Variants in UHRF2 observed in about 807,000 individuals in gnomAD.
UHRF2 encodes E3 ubiquitin-protein ligase UHRF2.
A neutral mutation model predicts 96.8 loss-of-function variants in UHRF2; 23 were observed. The observed-to-expected ratio is 0.24, with a 90% CI of 0.17 to 0.34. The LOEUF is 0.34. Ranked by LOEUF, UHRF2 falls within the 10% of genes least tolerant of loss-of-function variation. The pLI is 1.00. For synonymous variants in UHRF2, 385 were observed against 332.6 expected, an observed-to-expected ratio of 1.16 and a Z score of -1.72; for missense variants, 685 against 981.5, an observed-to-expected ratio of 0.70 and a Z score of 4.04.
At chr9:6,414,296 T>G (rs1178366474) in intron 1 of UHRF2, 2 of 152,256 alleles carry the variant, frequency 1.3e-5, no homozygotes, top group Non-Finnish European at 2.9e-5. Context: ...AACTGTCGGT[T>G]TAACCGGGGG....
At chr9:6,429,909 A>T (rs1381035) in intron 2 of UHRF2, among the ~76,000 whole-genome samples, 110,606 of 151,746 alleles carry the variant, frequency 0.73, 41,725 homozygotes, top group South Asian at 0.83. Context: ...AAACCATCAA[A>T]TATTTGCTGT....
intron 3 of UHRF2, among the ~76,000 whole-genome samples, chr9:6,459,038 AG>A (rs895700441): frequency 3.9e-5 from 6 of 152,066 alleles, no homozygotes; most frequent in African/African-American, 1.4e-4. Flanking sequence ...GGACGCAGGG[AG>A]GGGAACATAA....
intron 1 of UHRF2, among the ~76,000 whole-genome samples, chr9:6,417,400 CACAG>C (rs1819670752): frequency 6.6e-6 from 1 of 152,178 alleles, no homozygotes; most frequent in Non-Finnish European, 1.5e-5. Context: ...GCTTCTGACT[CACAG>C]ATGTTTGTGA....
intron 3 of UHRF2, among the ~76,000 whole-genome samples, chr9:6,435,747 A>C (rs1292025024): frequency 6.6e-6 from 1 of 152,082 alleles, no homozygotes; most frequent in Non-Finnish European, 1.5e-5. Context: ...GCTGGGGGCT[A>C]CAGGTGCTTG....
Position 6,506,246 on chromosome 9 carries a change from G to T in UHRF2, c.*67G>T. 6.3e-7 allele frequency: 1 copy of T among 1,581,506 alleles called. No individual in the cohort carries two copies. Reference sequence around the variant, plus strand: ...CAATAAAGAATCTAAAATGGGTGGGGAGGGTGGAAGAAATGGTGGACTGTA... The same window carrying T: ...CAATAAAGAATCTAAAATGGGTGGGTAGGGTGGAAGAAATGGTGGACTGTA... On this transcript the variant is annotated 3_prime_UTR_variant, in exon 16 of 16. Transcript: ENST00000276893.
At chr9:6,495,981 G>A (rs1824943656) in intron 10 of UHRF2, 1 of 151,242 alleles carries the variant, frequency 6.6e-6, no homozygotes, top group East Asian at 1.9e-4. Flanking sequence ...GAATTTTAAT[G>A]CATCTTCCTT....
At chr9:6,474,473 A>C (rs974345056) in intron 4 of UHRF2, among the ~76,000 whole-genome samples, 2 of 152,198 alleles carry the variant, frequency 1.3e-5, no homozygotes, top group Non-Finnish European at 2.9e-5. Flanking sequence ...TGGGAGGCCG[A>C]GGCGGGCAGG....
In UHRF2 at chr9:6,500,585, C is replaced by T; in HGVS notation, c.2039C>T (p.Ala680Val). 6.2e-7 allele frequency: 1 copy of T among 1,613,146 alleles called. No homozygotes were observed. The highest frequency in any genetic ancestry group is 8.5e-7 in the Non-Finnish European group (1 of 1,179,876). ...DCPSASKVYK[A>V]SDSAEAIEAF... ...CCAAGTGCCTCCAAAGTGTACAAAG[C>T]ATCAGATTCAGCAGAAGCAATTGAG... The change falls in exon 14 of 16, where the codon GCA becomes GTA. Residue 680 changes from alanine to valine, a missense_variant. Physicochemically the swap from Ala to Val is moderately conservative, Grantham distance 64. Coordinates refer to ENST00000276893, the MANE Select transcript of UHRF2 (RefSeq NM_152896.3).
At chr9:6,477,525 T>G in intron 5 of UHRF2, 97 bp from the exon 6 acceptor site, 1 of 1,218,966 alleles carries the variant, frequency 8.2e-7, no homozygotes, top group Non-Finnish European at 1.1e-6. Context: ...AAACTCCATT[T>G]CAAAAAAAAT....
rs550483511 is a variant in UHRF2, at chr9:6,486,807, T to G, written c.1393-14T>G. 1 of 1,613,260 alleles carries G rather than the reference T, an allele frequency of 6.2e-7. No individual in the cohort carries two copies. Among genetic ancestry groups the G allele is most frequent in the South Asian group, 1.1e-5 (1 of 90,988 alleles). On this transcript the variant is annotated splice_polypyrimidine_tract_variant and intron_variant, in intron 8 of 15. Coordinates refer to ENST00000276893, the MANE Select transcript of UHRF2 (RefSeq NM_152896.3). ...TTCAGAGGTATTTTGAGACTCTCTT[T>G]AATTGTTTTATAGGTGAGCGAAGCA...
intron 4 of UHRF2, among the ~76,000 whole-genome samples, chr9:6,462,293 T>TA (rs5896152): frequency 0.44 from 67,068 of 151,094 alleles, 15,227 homozygotes; most frequent in Admixed American, 0.54. Context: ...TTCTGGCTCT[T>TA]CGTGGGAAAA....
chr9:6,415,860 T>C (rs1489885665), intron 1 of UHRF2, among the ~76,000 whole-genome samples: 1 of 152,198 alleles, frequency 6.6e-6, no homozygotes, highest in Non-Finnish European at 1.5e-5. Flanking sequence ...TGAATGTTGA[T>C]AGATAGTCTC....
Position 6,477,828 on chromosome 9 carries a change from G to A in UHRF2, c.1160+20G>A. 2 of 1,547,896 alleles carry A rather than the reference G, an allele frequency of 1.3e-6. No individual in the cohort carries two copies. Among genetic ancestry groups the A allele is most frequent in the Non-Finnish European group, 1.8e-6 (2 of 1,138,544 alleles). On this transcript the variant is annotated intron_variant, in intron 6 of 15. Transcript: ENST00000276893. ...ATACTGGTATGATTATCAGGTTTTT[G>A]TTGTTGTTGTTCTTGCTGTGTAAAC...
chr9:6,477,778 C>G lies in UHRF2; in HGVS notation c.1130C>G (p.Pro377Arg). ...TATCATATTTACTGTCTGAATCCAC[C>G]TTTGGATAAAGTCCCAGAAGAGGAA... is the stretch of plus-strand genomic sequence containing the variant. ...VAYHIYCLNPPLDKVPEEEYW... is the reference protein window; with the variant it reads ...VAYHIYCLNPRLDKVPEEEYW... Residue 377 changes from proline to arginine, a missense_variant, in exon 6 of 16, where the codon CCT (proline) becomes CGT (arginine). This residue lies in a region of UHRF2 where 391 missense variants were observed against 437.0 expected (regional missense o/e 0.89). Coordinates refer to ENST00000276893, the MANE Select transcript of UHRF2 (RefSeq NM_152896.3). 1.9e-6 allele frequency: 3 copies of G among 1,610,398 alleles called. No homozygotes were observed. Among genetic ancestry groups the G allele is most frequent in the South Asian group, 1.1e-5 (1 of 90,538 alleles).
In UHRF2 at chr9:6,481,087, G is replaced by C. The variant is rs899881210; in HGVS notation, c.1161-556G>C. Among the ~76,000 whole-genome samples the C allele has an allele frequency of 2.0e-5, 3 of 152,106 alleles. No homozygotes were observed. The South Asian group carries it at 6.2e-4, about 31-fold the overall frequency. Reference sequence around the variant, plus strand: ...TTAGAAAAGATTCAAGGCAGTTTACGAAATACAAGTTACAGTAGGGTAATC... The same window carrying C: ...TTAGAAAAGATTCAAGGCAGTTTACCAAATACAAGTTACAGTAGGGTAATC... On this transcript the variant is annotated intron_variant, in intron 6 of 15. Coordinates refer to ENST00000276893, the MANE Select transcript of UHRF2 (RefSeq NM_152896.3).
chr9:6,440,135 G>T (rs895225518), intron 3 of UHRF2, among the ~76,000 whole-genome samples: 1 of 152,138 alleles, frequency 6.6e-6, no homozygotes, highest in Admixed American at 6.5e-5. Context: ...CAGCAGTCTT[G>T]CAAGTAGAGA....
intron 8 of UHRF2, among the ~76,000 whole-genome samples, chr9:6,485,518 C>T (rs1005463565): frequency 2.0e-5 from 3 of 151,838 alleles, no homozygotes; most frequent in African/African-American, 7.3e-5. Flanking sequence ...ATGGTACCTT[C>T]TGCTGAGGTG....
intron 8 of UHRF2, among the ~76,000 whole-genome samples, chr9:6,483,820 G>A (rs1444286647): frequency 6.6e-6 from 1 of 152,136 alleles, no homozygotes; most frequent in Non-Finnish European, 1.5e-5. Context: ...CTCCCAAGTA[G>A]CTGGGATTAC....
At chr9:6,432,051 CTT>C (rs1820587130) in intron 2 of UHRF2, among the ~76,000 whole-genome samples, 1 of 152,068 alleles carries the variant, frequency 6.6e-6, no homozygotes, top group Non-Finnish European at 1.5e-5. Context: ...GACTAAATGT[CTT>C]TAAATTTGTC....
Sources: gnomAD v4.1 joint callset for allele counts (sites outside exome capture counted in the v4.1 genomes callset) on GRCh38, gnomAD v4.1.1 for gene constraint, gnomAD v4.1.1 regional missense constraint, MANE v1.5 for transcripts, NCBI Gene and HGNC (gene_info 2026-07-23, HGNC 2026-07-21) for gene names.